Variants in LMBRD1 observed in about 807,000 individuals in gnomAD.
LMBRD1 encodes the protein lysosomal cobalamin transport escort protein LMBD1.
A neutral mutation model predicts 74.8 loss-of-function variants in LMBRD1; 64 were observed. The observed-to-expected ratio is 0.86, with a 90% CI of 0.70 to 1.05. The LOEUF (loss-of-function observed/expected upper bound fraction) is 1.05, where lower values mean the gene tolerates loss of function less well. LMBRD1 is among the 50% of genes least tolerant of loss of function. The pLI is 0.00. For synonymous variants in LMBRD1, 204 were observed against 216.3 expected (o/e 0.94, Z 0.50); for missense variants, 652 against 645.9 (o/e 1.01, Z -0.10).
chr6:69,762,929 C>A (rs1765402632), intron 3 of LMBRD1, among the ~76,000 whole-genome samples: 1 of 152,054 alleles, frequency 6.6e-6, no homozygotes, highest in African/African-American at 2.4e-5. Flanking sequence ...ATTAGGTCAC[C>A]CAGTATGTGG....
At chr6:69,695,605 T>C (rs908816770) in intron 14 of LMBRD1, among the ~76,000 whole-genome samples, 1 of 152,200 alleles carries the variant, frequency 6.6e-6, no homozygotes, top group African/African-American at 2.4e-5. Flanking sequence ...ACAATGTAAA[T>C]GCTATGCAAA....
At chr6:69,746,980 A>G (rs1412657439) in intron 5 of LMBRD1, 1 of 151,768 alleles carries the variant, frequency 6.6e-6, no homozygotes, top group Non-Finnish European at 1.5e-5. Context: ...TTTCTGTGTC[A>G]GACCCCCTGA....
intron 1 of LMBRD1, among the ~76,000 whole-genome samples, chr6:69,794,179 T>C (rs2149899487): frequency 6.6e-6 from 1 of 152,312 alleles, no homozygotes; most frequent in East Asian, 1.9e-4. Flanking sequence ...GTGCTGACAT[T>C]TGCACTCATG....
intron 2 of LMBRD1, among the ~76,000 whole-genome samples, chr6:69,787,573 C>A (rs1276963347): frequency 6.6e-6 from 1 of 152,036 alleles, no homozygotes; most frequent in Non-Finnish European, 1.5e-5. Flanking sequence ...GGTGAAACCC[C>A]ATCTCTACTA....
At chr6:69,729,579 C>G (rs3799113) in intron 7 of LMBRD1, among the ~76,000 whole-genome samples, 72,784 of 151,714 alleles carry the variant, frequency 0.48, 18,166 homozygotes, top group African/African-American at 0.61. Flanking sequence ...TAGGAAGAGA[C>G]AGCTCTTAAT....
chr6:69,709,992 G>A (rs1766348937), intron 9 of LMBRD1, among the ~76,000 whole-genome samples: 1 of 152,158 alleles, frequency 6.6e-6, no homozygotes, highest in Non-Finnish European at 1.5e-5. Context: ...CCTAGTGGAT[G>A]TTTTGTGGAA....
intron 7 of LMBRD1, among the ~76,000 whole-genome samples, chr6:69,734,316 T>C (rs1766926747): frequency 6.6e-6 from 1 of 152,164 alleles, no homozygotes; most frequent in African/African-American, 2.4e-5. Context: ...CCCAGCCCTC[T>C]ATACAGTAAA....
chr6:69,705,742 T>G, intron 9 of LMBRD1: 1 of 1,190,476 alleles, frequency 8.4e-7, no homozygotes, highest in Non-Finnish European at 1.2e-6. Context: ...ACAGACCACT[T>G]TCCAGATATA....
intron 1 of LMBRD1, among the ~76,000 whole-genome samples, chr6:69,795,410 A>T (rs535151810): frequency 6.6e-6 from 1 of 152,244 alleles, no homozygotes; most frequent in African/African-American, 2.4e-5. Context: ...TGTTTCAAGA[A>T]TTTCAGTTTT....
At position 69,796,824 on chromosome 6, in the gene LMBRD1, G is replaced by A. The variant is rs766922297; in HGVS notation, c.58C>T (p.Leu20Phe). ...ELVIGWCIFG[L>F]LLLAILAFCW... ...AGCGCCTCCCCTACCAGTAGTAAGA[G>A]GCCGAATATGCACCAGCCGATCACC... Residue 20 changes from leucine to phenylalanine, a missense_variant, in exon 1 of 16, where the codon CTC becomes TTC. Coordinates refer to ENST00000649934, the MANE Select transcript of LMBRD1 (RefSeq NM_018368.4). The A allele has an allele frequency of 6.8e-6, 11 of 1,613,918 alleles. No homozygotes were observed. The East Asian group carries it at 1.6e-4, about 23-fold the overall frequency.
At chr6:69,695,907 G>A (rs1261032692) in intron 14 of LMBRD1, among the ~76,000 whole-genome samples, 5 of 148,598 alleles carry the variant, frequency 3.4e-5, no homozygotes, top group Admixed American at 1.4e-4. Flanking sequence ...GCAGTGGCAC[G>A]ATCTCAGCTC....
intron 3 of LMBRD1, among the ~76,000 whole-genome samples, chr6:69,779,203 AATT>A (rs1765773543): frequency 6.7e-6 from 1 of 148,516 alleles, no homozygotes; most frequent in Non-Finnish European, 1.5e-5. Flanking sequence ...AAAAAAAAAC[AATT>A]CAATGGAACT....
At chr6:69,752,183 GTCAT>G (rs1384260421) in intron 4 of LMBRD1, 72 bp downstream of exon 4, 6 of 1,450,022 alleles carry the variant, frequency 4.1e-6, no homozygotes, top group African/African-American at 2.8e-5. Flanking sequence ...AAAAAATTCA[GTCAT>G]TCATTCTCTG....
intron 3 of LMBRD1, among the ~76,000 whole-genome samples, chr6:69,773,955 C>T (rs1260249195): frequency 2.0e-5 from 3 of 151,896 alleles, no homozygotes; most frequent in African/African-American, 7.3e-5. Flanking sequence ...ACATTATGAA[C>T]TATATGATTC....
At chr6:69,774,502 TCTTTTACATGAATTTC>T (rs1765646053) in intron 3 of LMBRD1, among the ~76,000 whole-genome samples, 1 of 152,236 alleles carries the variant, frequency 6.6e-6, no homozygotes, top group South Asian at 2.1e-4. Context: ...TTCATTAATT[TCTTTTACATGAATTTC>T]CTTTTACTTA....
intron 3 of LMBRD1, among the ~76,000 whole-genome samples, chr6:69,776,254 T>C (rs934606707): frequency 2.0e-5 from 3 of 152,230 alleles, no homozygotes; most frequent in Admixed American, 1.3e-4. Context: ...GCAGTGAGAC[T>C]ATAAATTTGA....
At chr6:69,749,084 GTGTAAAAAGCA>G (rs940497715) in intron 5 of LMBRD1, among the ~76,000 whole-genome samples, 6 of 151,984 alleles carry the variant, frequency 3.9e-5, no homozygotes, top group African/African-American at 1.4e-4. Context: ...AATCACATTT[GTGTAAAAAGCA>G]TGTAGAATGC....
At chr6:69,784,300 C>T (rs1765897822) in intron 2 of LMBRD1, among the ~76,000 whole-genome samples, 1 of 152,168 alleles carries the variant, frequency 6.6e-6, no homozygotes, top group Admixed American at 6.5e-5. Flanking sequence ...ATGAATTCCA[C>T]AGAACAAGAA....
chr6:69,782,270 C>T (rs997237781), intron 2 of LMBRD1, among the ~76,000 whole-genome samples: 2 of 152,228 alleles, frequency 1.3e-5, no homozygotes, highest in Non-Finnish European at 1.5e-5. Context: ...CAAATGGGCC[C>T]TTCCTTTCCC....
Sources: gnomAD v4.1 joint callset for allele counts (sites outside exome capture counted in the v4.1 genomes callset) on GRCh38, gnomAD v4.1.1 for gene constraint, MANE v1.5 for transcripts, NCBI Gene and HGNC (gene_info 2026-07-23, HGNC 2026-07-21) for gene names.